Variants in FBXO4 observed in about 807,000 individuals in gnomAD.
The protein encoded by FBXO4 is F-box only protein 4.
FBXO4 carries 36 observed loss-of-function variants against 43.7 expected under a neutral mutation model. That is an observed-to-expected ratio of 0.82 (90% CI 0.63 to 1.09). FBXO4 has a LOEUF of 1.09. FBXO4 is among the 50% of genes least tolerant of loss of function. The probability of loss-of-function intolerance (pLI) is 0.00; values close to 1 mark genes in which losing one functional copy is unlikely to be tolerated. For missense variants in FBXO4, 435 were observed against 474.1 expected, an observed-to-expected ratio of 0.92 and a Z score of 0.77; for synonymous variants, 180 against 165.6, an observed-to-expected ratio of 1.09 and a Z score of -0.67.
chr5:42,007,636 T>C, the FBXO4 span, among the ~76,000 whole-genome samples: 2 of 152,182 alleles, frequency 1.3e-5, no homozygotes, highest in Admixed American at 6.6e-5. Flanking sequence ...CCAATAGTTC[T>C]AATGCAACAT....
the FBXO4 span, among the ~76,000 whole-genome samples, chr5:41,960,996 T>G: frequency 6.6e-5 from 10 of 151,932 alleles, no homozygotes; most frequent in Non-Finnish European, 1.5e-4. Flanking sequence ...TCTTCTTGCC[T>G]TCTATTGATG....
At chr5:41,938,451 A>C (rs1751908465) in intron 5 of FBXO4, among the ~76,000 whole-genome samples, 1 of 152,262 alleles carries the variant, frequency 6.6e-6, no homozygotes, top group Non-Finnish European at 1.5e-5. Flanking sequence ...GGAACAAAGA[A>C]TAGACGGACA....
At chr5:41,939,068 G>A (rs1465862488) in intron 5 of FBXO4, among the ~76,000 whole-genome samples, 3 of 152,112 alleles carry the variant, frequency 2.0e-5, no homozygotes, top group East Asian at 1.9e-4. Flanking sequence ...ATTATGCAAG[G>A]GTTTGGAACA....
intron 1 of FBXO4, among the ~76,000 whole-genome samples, chr5:41,925,736 C>A (rs950184601): frequency 6.6e-6 from 1 of 152,094 alleles, no homozygotes; most frequent in African/African-American, 2.4e-5. Context: ...CTTCATGGGG[C>A]CCCTGGGGAC....
At chr5:41,975,950 A>T in the FBXO4 span, among the ~76,000 whole-genome samples, 1 of 152,136 alleles carries the variant, frequency 6.6e-6, no homozygotes, top group Non-Finnish European at 1.5e-5. Flanking sequence ...GAAGCTTACA[A>T]TCGTGGTGGA....
At chr5:41,961,436 A>G in the FBXO4 span, among the ~76,000 whole-genome samples, 2 of 152,160 alleles carry the variant, frequency 1.3e-5, no homozygotes, top group African/African-American at 4.8e-5. Flanking sequence ...CTAAAGCATG[A>G]GCATGCCTGG....
chr5:41,999,514 TATATATATAC>T, the FBXO4 span, among the ~76,000 whole-genome samples: 4 of 119,386 alleles, frequency 3.4e-5, no homozygotes, highest in African/African-American at 1.6e-4. Flanking sequence ...TGTGTATATA[TATATATATAC>T]ATATATATAT....
At chr5:41,939,834 A>ATTTTTTT (rs60238550) in intron 6 of FBXO4, among the ~76,000 whole-genome samples, 75 of 79,330 alleles carry the variant, frequency 9.5e-4, no homozygotes, top group Admixed American at 1.3e-3. Flanking sequence ...ACAATTGGGG[A>ATTTTTTT]TTTTTTTTTT....
intron 3 of FBXO4, 57 bp downstream of exon 3, chr5:41,929,974 T>C: frequency 7.6e-7 from 1 of 1,314,440 alleles, no homozygotes; most frequent in Non-Finnish European, 1.1e-6. Context: ...ACATTCTTGT[T>C]AAAAAGAAAG....
the FBXO4 span, chr5:41,967,118 G>A: frequency 1.3e-5 from 4 of 312,870 alleles, no homozygotes; most frequent in East Asian, 3.1e-4. Flanking sequence ...TGCTTTTGGT[G>A]ATATAGAAGA....
the FBXO4 span, among the ~76,000 whole-genome samples, chr5:41,973,887 A>T: frequency 6.6e-6 from 1 of 152,112 alleles, no homozygotes; most frequent in East Asian, 1.9e-4. Flanking sequence ...TGCCTGAAAA[A>T]TTTTCTTTAA....
At chr5:42,005,775 A>C in the FBXO4 span, among the ~76,000 whole-genome samples, 1 of 152,070 alleles carries the variant, frequency 6.6e-6, no homozygotes, top group East Asian at 1.9e-4. Context: ...CAAGTCTTTT[A>C]AACTCATTTC....
the FBXO4 span, among the ~76,000 whole-genome samples, chr5:41,983,461 C>T: frequency 4.6e-5 from 7 of 152,098 alleles, no homozygotes; most frequent in Non-Finnish European, 8.8e-5. Flanking sequence ...TTCTAATTTT[C>T]ATATTTGCTA....
the FBXO4 span, among the ~76,000 whole-genome samples, chr5:41,960,505 T>C: frequency 6.6e-6 from 1 of 152,152 alleles, no homozygotes; most frequent in African/African-American, 2.4e-5. Context: ...ATGGTCTTTA[T>C]TGTGTTGAGG....
the FBXO4 span, among the ~76,000 whole-genome samples, chr5:42,012,291 C>T: frequency 2.0e-5 from 3 of 152,156 alleles, no homozygotes; most frequent in Non-Finnish European, 4.4e-5. Flanking sequence ...GTAGATGTAC[C>T]TTGAGAAAAT....
the FBXO4 span, among the ~76,000 whole-genome samples, chr5:41,999,488 T>TAC: frequency 1.0e-5 from 1 of 98,148 alleles, no homozygotes; most frequent in African/African-American, 5.0e-5. Flanking sequence ...CACATATATA[T>TAC]ATATACATAT....
At chr5:41,949,927 T>C in the FBXO4 span, among the ~76,000 whole-genome samples, 3 of 152,154 alleles carry the variant, frequency 2.0e-5, no homozygotes, top group Non-Finnish European at 4.4e-5. Flanking sequence ...TACAACCATC[T>C]GATCTTTGAC....
the FBXO4 span, among the ~76,000 whole-genome samples, chr5:41,949,287 A>G: frequency 6.6e-6 from 1 of 152,332 alleles, no homozygotes; most frequent in African/African-American, 2.4e-5. Flanking sequence ...CTATTTGCAG[A>G]TGACATGATT....
intron 3 of FBXO4, among the ~76,000 whole-genome samples, chr5:41,931,956 C>A (rs277413): frequency 9.7e-4 from 147 of 152,210 alleles, no homozygotes; most frequent in African/African-American, 3.4e-3. Flanking sequence ...GTTAAGAGAA[C>A]ATGAATCCCA....
Sources: allele counts gnomAD v4.1 joint callset (sites outside exome capture counted in the v4.1 genomes callset), GRCh38; gene constraint gnomAD v4.1.1; transcripts MANE v1.5; gene names NCBI Gene and HGNC (gene_info 2026-07-23, HGNC 2026-07-21).